SIPA1L1: variants seen among roughly 807,000 people sequenced by gnomAD.
SIPA1L1 encodes signal induced proliferation associated 1 like 1.
SIPA1L1 carries 26 observed loss-of-function variants against 162.7 expected under a neutral mutation model. That is an observed-to-expected ratio of 0.16 (90% CI 0.12 to 0.22). The LOEUF (loss-of-function observed/expected upper bound fraction) is 0.22. SIPA1L1 is among the 10% of genes least tolerant of loss of function. SIPA1L1 has a pLI of 1.00. For missense variants in SIPA1L1, 1,874 were observed against 2,241.0 expected, an observed-to-expected ratio of 0.84 and a Z score of 3.31; for synonymous variants, 829 against 837.4, an observed-to-expected ratio of 0.99 and a Z score of 0.17.
At position 71,432,821 on chromosome 14, in the gene SIPA1L1, A is replaced by G. The variant is rs993926038; in HGVS notation, c.-464-79922A>G. On this transcript the variant is annotated intron_variant, in intron 2 of 23. Coordinates refer to ENST00000381232, the MANE Select transcript of SIPA1L1 (RefSeq NM_001386936.1). ...TCATAGTACTGAATAAATCCTTTTCACATTCATTTGCGAACTGCTTTTATA... is the reference window on the plus strand; with the variant it reads ...TCATAGTACTGAATAAATCCTTTTCGCATTCATTTGCGAACTGCTTTTATA... 2.6e-5 allele frequency among the ~76,000 whole-genome samples: 4 copies of G among 152,364 alleles called. No homozygotes were observed. The South Asian group carries it at 8.3e-4, about 32-fold the overall frequency.
chr14:71,485,455 A>G (rs931744293), intron 2 of SIPA1L1, among the ~76,000 whole-genome samples: 1 of 152,016 alleles, frequency 6.6e-6, no homozygotes, highest in Admixed American at 6.6e-5. Flanking sequence ...GTGGCATTAG[A>G]TTCTTATAGG....
intron 2 of SIPA1L1, among the ~76,000 whole-genome samples, chr14:71,478,830 C>T (rs1423887742): frequency 6.6e-6 from 1 of 152,174 alleles, no homozygotes; most frequent in Non-Finnish European, 1.5e-5. Context: ...TTTGCTCCTA[C>T]ATCTTGAGAT....
At chr14:71,380,170 C>T (rs918957344) in intron 2 of SIPA1L1, among the ~76,000 whole-genome samples, 11 of 152,036 alleles carry the variant, frequency 7.2e-5, no homozygotes, top group African/African-American at 2.7e-4. Context: ...TAAAAACATA[C>T]CTAATGTGTG....
intron 19 of SIPA1L1, among the ~76,000 whole-genome samples, chr14:71,725,127 G>T (rs1324586228): frequency 6.6e-6 from 1 of 152,190 alleles, no homozygotes; most frequent in Non-Finnish European, 1.5e-5. Flanking sequence ...ACATCACTTA[G>T]GTGATATGAC....
chr14:71,491,295 T>A (rs1032022287), intron 2 of SIPA1L1, among the ~76,000 whole-genome samples: 7 of 152,178 alleles, frequency 4.6e-5, no homozygotes, highest in African/African-American at 9.7e-5. Flanking sequence ...AAGTTTAAAT[T>A]ACAGTTGTTC....
rs1595101434 is a variant in SIPA1L1, at chr14:71,377,287, C to A, written c.-465+56106C>A. Among the ~76,000 whole-genome samples, 1 of 151,934 alleles carries A rather than the reference C, an allele frequency of 6.6e-6. No homozygotes were observed. Among genetic ancestry groups the A allele is most frequent in the Middle Eastern group, 3.5e-3 (1 of 288 alleles). Reference sequence around the variant, plus strand: ...GCGGCGGCCGGACGGGGGCGTTCTCCACTTCTCAGACAGGGCGGCTGCCGG... The same window carrying A: ...GCGGCGGCCGGACGGGGGCGTTCTCAACTTCTCAGACAGGGCGGCTGCCGG... On this transcript the variant is annotated intron_variant, in intron 2 of 23. Transcript: ENST00000381232. The surrounding 1 kb of genome is among the most constrained non-coding windows in gnomAD (Gnocchi z 4.8).
chr14:71,609,143 G>C (rs576307046), intron 5 of SIPA1L1, among the ~76,000 whole-genome samples: 1 of 152,176 alleles, frequency 6.6e-6, no homozygotes, highest in South Asian at 2.1e-4. Flanking sequence ...TTTTTCAGCT[G>C]TTTTTTCCAA....
chr14:71,650,652 A>T lies in SIPA1L1; in HGVS notation c.1993+143A>T, dbSNP rs1364739909. The T allele has an allele frequency of 8.3e-6, 6 of 726,188 alleles. No individual in the cohort carries two copies. In the East Asian group the frequency reaches 1.1e-4, roughly 13 times the overall value. 45.0% of individuals were successfully genotyped at this position (726,188 alleles called of 1,614,324 possible). A position where few individuals can be genotyped will look rare whatever the true frequency, so the allele number is the denominator to read the frequency against. On this transcript the variant is annotated intron_variant, in intron 8 of 23. Coordinates refer to ENST00000381232, the MANE Select transcript of SIPA1L1 (RefSeq NM_001386936.1). Reference sequence around the variant, plus strand: ...GGGGAGAGAAAGCCAGAGAGGGAGGATGTAGCACCAGAACAGTTGAAGATC... The same window carrying T: ...GGGGAGAGAAAGCCAGAGAGGGAGGTTGTAGCACCAGAACAGTTGAAGATC...
chr14:71,502,842 T>C (rs2050370099), intron 2 of SIPA1L1, among the ~76,000 whole-genome samples: 1 of 152,224 alleles, frequency 6.6e-6, no homozygotes, highest in African/African-American at 2.4e-5. Flanking sequence ...TTCCCTGTTA[T>C]ACTCTGATTT....
intron 4 of SIPA1L1, among the ~76,000 whole-genome samples, chr14:71,564,490 C>CTTTTTTTTTTTTTTTTTTTTTTT (rs370431365): frequency 1.0e-5 from 1 of 97,828 alleles, no homozygotes; most frequent in African/African-American, 4.1e-5. Flanking sequence ...CATTTTCTTT[C>CTTTTTTTTTTTTTTTTTTTTTTT]TTTTTTTTTT....
chr14:71,557,745 TA>T (rs1007577820), intron 4 of SIPA1L1, among the ~76,000 whole-genome samples: 31 of 152,340 alleles, frequency 2.0e-4, no homozygotes, highest in Non-Finnish European at 3.7e-4. Context: ...GTAACTGATA[TA>T]AAAAAACCTA....
intron 2 of SIPA1L1, among the ~76,000 whole-genome samples, chr14:71,420,316 T>C (rs1473906375): frequency 6.6e-6 from 1 of 152,186 alleles, no homozygotes; most frequent in Non-Finnish European, 1.5e-5. Context: ...GGTAAATGCA[T>C]TGAGGCATTT....
At chr14:71,725,693 T>C (rs2084174714) in intron 19 of SIPA1L1, among the ~76,000 whole-genome samples, 2 of 152,292 alleles carry the variant, frequency 1.3e-5, no homozygotes, top group East Asian at 1.9e-4. Context: ...TGGGTGTTTA[T>C]TGAGCTGGGC....
chr14:71,358,776 G>A (rs1240150588), intron 2 of SIPA1L1, among the ~76,000 whole-genome samples: 1 of 152,192 alleles, frequency 6.6e-6, no homozygotes, highest in Non-Finnish European at 1.5e-5. Flanking sequence ...GAAACTTTTA[G>A]TCATGGCAGA....
At chr14:71,702,173 C>T in intron 14 of SIPA1L1, 1 of 514,898 alleles carries the variant, frequency 1.9e-6, no homozygotes, top group Non-Finnish European at 3.5e-6. Flanking sequence ...GCATGCATAC[C>T]TTTTTGAGCA....
chr14:71,491,711 G>T (rs2143003163), intron 2 of SIPA1L1, among the ~76,000 whole-genome samples: 1 of 148,058 alleles, frequency 6.8e-6, no homozygotes, highest in South Asian at 2.2e-4. Context: ...TTCCCAAAGT[G>T]CTGAGATTAC....
intron 2 of SIPA1L1, among the ~76,000 whole-genome samples, chr14:71,374,149 T>C (rs1321747812): frequency 1.3e-5 from 2 of 152,212 alleles, no homozygotes; most frequent in African/African-American, 4.8e-5. Flanking sequence ...ATATTGTATA[T>C]TCTTTAGAAT....
intron 7 of SIPA1L1, among the ~76,000 whole-genome samples, chr14:71,640,372 A>G (rs933182261): frequency 6.6e-6 from 1 of 152,224 alleles, no homozygotes; most frequent in African/African-American, 2.4e-5. Flanking sequence ...AAAGAAAAAA[A>G]AAATTTGAGA....
intron 2 of SIPA1L1, chr14:71,330,665 G>A (rs2034421808): frequency 2.3e-6 from 2 of 878,692 alleles, no homozygotes; most frequent in Admixed American, 1.7e-5. Flanking sequence ...TCTGGGTGGG[G>A]TACCCTCTCA....
Sources: gnomAD v4.1 joint callset for allele counts (sites outside exome capture counted in the v4.1 genomes callset) on GRCh38, gnomAD v4.1.1 for gene constraint, Gnocchi (gnomAD v3.1) non-coding constraint, MANE v1.5 for transcripts, NCBI Gene and HGNC (gene_info 2026-07-23, HGNC 2026-07-21) for gene names.